Variants in DAG1 observed in about 807,000 individuals in gnomAD.
DAG1 encodes dystroglycan 1 (dystrophin-associated glycoprotein 1).
In DAG1, 8 loss-of-function variants were observed where a neutral mutation model predicts 46.1. The ratio of observed to expected loss-of-function variants is 0.17; its 90% CI spans 0.10 to 0.31. The LOEUF is 0.31. DAG1 is among the 10% of genes least tolerant of loss of function. The pLI, the probability that DAG1 is intolerant of heterozygous loss-of-function variation, is 1.00. For missense variants in DAG1, 1,003 were observed against 1,189.9 expected, an observed-to-expected ratio of 0.84 and a Z score of 2.31; for synonymous variants, 495 against 481.8, an observed-to-expected ratio of 1.03 and a Z score of -0.36.
chr3:49,529,939 A>C (rs1322674211), intron 2 of DAG1, among the ~76,000 whole-genome samples: 1 of 152,114 alleles, frequency 6.6e-6, no homozygotes, highest in African/African-American at 2.4e-5. Context: ...GATGCTGTTG[A>C]GTTGGAATAA....
At chr3:49,482,196 A>T (rs1420912506) in intron 1 of DAG1, among the ~76,000 whole-genome samples, 2 of 152,172 alleles carry the variant, frequency 1.3e-5, no homozygotes, top group Non-Finnish European at 2.9e-5. Flanking sequence ...GACACAGTGC[A>T]TTGCGGAAAA....
intron 1 of DAG1, chr3:49,493,036 C>CTTTTTTTTTTTTTTTT (rs55708660): frequency 2.8e-4 from 24 of 86,382 alleles, no homozygotes; most frequent in South Asian, 4.4e-4. Flanking sequence ...TATTTTTATT[C>CTTTTTTTTTTTTTTTT]TTTTTTTTTT....
intron 2 of DAG1, among the ~76,000 whole-genome samples, chr3:49,514,620 G>A (rs941470702): frequency 2.1e-4 from 32 of 151,168 alleles, no homozygotes; most frequent in African/African-American, 6.6e-4. Context: ...ACAGGCATGC[G>A]CTACCACACC....
At chr3:49,495,903 A>G (rs1301581400) in intron 1 of DAG1, among the ~76,000 whole-genome samples, 1 of 152,070 alleles carries the variant, frequency 6.6e-6, no homozygotes, top group African/African-American at 2.4e-5. Flanking sequence ...CCTGGGCGAC[A>G]GAGCGAGACT....
rs183921934 is a variant in DAG1, at chr3:49,525,707, C to T, written c.286-5090C>T. Among the ~76,000 whole-genome samples the T allele has an allele frequency of 3.5e-3, 521 of 149,208 alleles. 1 individual carries two copies. The highest frequency in any genetic ancestry group is 0.012 in the African/African-American group (492 of 40,524). Reference sequence around the variant, plus strand: ...CCGAGTAGCTGGGACTACAGGCGCCCGCCACCTCGCCCCGCTAATTTTTTT... The same window carrying T: ...CCGAGTAGCTGGGACTACAGGCGCCTGCCACCTCGCCCCGCTAATTTTTTT... On this transcript the variant is annotated intron_variant, in intron 2 of 2. Coordinates refer to ENST00000308775, the MANE Select transcript of DAG1 (RefSeq NM_004393.6).
chr3:49,489,303 G>T (rs2050120490), intron 1 of DAG1, among the ~76,000 whole-genome samples: 1 of 152,130 alleles, frequency 6.6e-6, no homozygotes, highest in Non-Finnish European at 1.5e-5. Flanking sequence ...TGTTGGTCGG[G>T]CTGGTCTCGA....
chr3:49,474,135 A>G (rs960694261), intron 1 of DAG1, among the ~76,000 whole-genome samples: 3 of 151,464 alleles, frequency 2.0e-5, no homozygotes, highest in African/African-American at 7.3e-5. Flanking sequence ...GCTCACTGCA[A>G]CCTCCGCCTC....
At chr3:49,472,603 C>G (rs1433727226) in intron 1 of DAG1, among the ~76,000 whole-genome samples, 4 of 151,970 alleles carry the variant, frequency 2.6e-5, no homozygotes, top group African/African-American at 7.3e-5. Flanking sequence ...GTCAGGAGAT[C>G]GAGATCATCC....
chr3:49,505,837 AT>A lies in DAG1; in HGVS notation c.-116-4570del, dbSNP rs35262532. 1.5e-3 allele frequency among the ~76,000 whole-genome samples: 214 copies of A among 145,524 alleles called. 1 individual carries two copies. Among genetic ancestry groups the A allele is most frequent in the African/African-American group, 4.8e-3 (190 of 39,496 alleles). On this transcript the variant is annotated intron_variant, in intron 1 of 2. Coordinates refer to ENST00000308775, the MANE Select transcript of DAG1 (RefSeq NM_004393.6). ...CACCACCATGCCCGGCTAATTTTGT[AT>A]TTTTTTTTTTTAGTAGAGATGGGGT...
chr3:49,532,034 C>T lies in DAG1; in HGVS notation c.1523C>T (p.Ala508Val). ...ELKNHIDRVD[A>V]WVGTYFEVKI... ...AAGAACCATATTGACAGGGTAGATGCCTGGGTTGGCACCTACTTTGAGGTG... is the reference window on the plus strand; with the variant it reads ...AAGAACCATATTGACAGGGTAGATGTCTGGGTTGGCACCTACTTTGAGGTG... The change falls in exon 3 of 3, where the codon GCC (alanine) becomes GTC (valine). Residue 508 changes from alanine to valine, a missense_variant. Transcript: ENST00000308775. The surrounding 1 kb of genome is among the most constrained non-coding windows in gnomAD (Gnocchi z 5.4). The T allele has an allele frequency of 6.2e-7, 1 of 1,614,168 alleles. No homozygotes were observed. Among genetic ancestry groups the T allele is most frequent in the Non-Finnish European group, 8.5e-7 (1 of 1,180,038 alleles).
chr3:49,516,202 A>G (rs1322734049), intron 2 of DAG1, among the ~76,000 whole-genome samples: 2 of 152,198 alleles, frequency 1.3e-5, no homozygotes, highest in African/African-American at 4.8e-5. Flanking sequence ...TTCTTAGCAG[A>G]TTTCTGTATT....
At chr3:49,482,854 T>G (rs975881834) in intron 1 of DAG1, among the ~76,000 whole-genome samples, 1 of 152,106 alleles carries the variant, frequency 6.6e-6, no homozygotes. Context: ...CTGTGAAGAT[T>G]TCCCCCCCAG....
At chr3:49,524,382 A>G (rs1233857763) in intron 2 of DAG1, among the ~76,000 whole-genome samples, 1 of 152,240 alleles carries the variant, frequency 6.6e-6, no homozygotes, top group Non-Finnish European at 1.5e-5. Flanking sequence ...CCCTTCTATT[A>G]AAATGAATCA....
Position 49,534,969 on chromosome 3 carries a change from G to GC in DAG1, c.*1770_*1771insC, listed in dbSNP as rs1559584574. 6.6e-6 allele frequency: 1 copy of GC among 151,768 alleles called. No individual in the cohort carries two copies. Among genetic ancestry groups the GC allele is most frequent in the African/African-American group, 2.5e-5 (1 of 40,620 alleles). The allele number at this position is 151,768 out of a possible 1,614,324, so 9.4% of individuals were successfully genotyped here. A position where few individuals can be genotyped will look rare whatever the true frequency, so the allele number is the denominator to read the frequency against. On this transcript the variant is annotated 3_prime_UTR_variant, in exon 3 of 3. Transcript: ENST00000308775. ...CCTCAGGAGGGGAGGGCTGGTAGGA[G>GC]GGGGGGAGAGGTCTCTGTCCTACTG...
chr3:49,510,285 G>A (rs1211052592), intron 1 of DAG1, 134 bp from the exon 2 acceptor site: 3 of 596,880 alleles, frequency 5.0e-6, no homozygotes, highest in Non-Finnish European at 8.9e-6. Flanking sequence ...GTTGGTTTCT[G>A]TATAAGAGAC....
intron 1 of DAG1, among the ~76,000 whole-genome samples, chr3:49,505,135 C>T (rs2050570357): frequency 6.6e-6 from 1 of 151,946 alleles, no homozygotes; most frequent in Non-Finnish European, 1.5e-5. Flanking sequence ...CTGCATGCCA[C>T]CACACTTGGC....
At chr3:49,484,431 G>T (rs2049964395) in intron 1 of DAG1, among the ~76,000 whole-genome samples, 1 of 151,906 alleles carries the variant, frequency 6.6e-6, no homozygotes, top group East Asian at 1.9e-4. Flanking sequence ...GACTAGAGAG[G>T]GATATCCTAT....
intron 1 of DAG1, among the ~76,000 whole-genome samples, chr3:49,482,322 C>T (rs1050706649): frequency 1.2e-4 from 18 of 152,250 alleles, no homozygotes; most frequent in African/African-American, 4.1e-4. Flanking sequence ...AGCCCGACAC[C>T]TGTAAAGGGT....
intron 2 of DAG1, among the ~76,000 whole-genome samples, chr3:49,516,849 T>C (rs972714755): frequency 6.6e-6 from 1 of 152,174 alleles, no homozygotes; most frequent in African/African-American, 2.4e-5. Flanking sequence ...TCATTGCCAC[T>C]GGGATTTCCT....
Sources: gnomAD v4.1 joint callset for allele counts (sites outside exome capture counted in the v4.1 genomes callset) on GRCh38, gnomAD v4.1.1 for gene constraint, Gnocchi (gnomAD v3.1) non-coding constraint, MANE v1.5 for transcripts, NCBI Gene and HGNC (gene_info 2026-07-23, HGNC 2026-07-21) for gene names.